Variants in ANK3 observed in about 807,000 individuals in gnomAD.
ANK3 encodes the protein ankyrin 3.
ANK3 carries 57 observed loss-of-function variants against 370.9 expected under a neutral mutation model. The ratio of observed to expected loss-of-function variants is 0.15; its 90% CI spans 0.12 to 0.19. The LOEUF (loss-of-function observed/expected upper bound fraction) is 0.19, where lower values mean the gene tolerates loss of function less well. ANK3 is among the 10% of genes least tolerant of loss of function. The pLI is 1.00. For missense variants in ANK3, 4,439 were observed against 5,302.1 expected, an observed-to-expected ratio of 0.84 and a Z score of 5.06; for synonymous variants, 1,929 against 1,946.3, an observed-to-expected ratio of 0.99 and a Z score of 0.23.
At chr10:60,593,730 A>G (rs76543341) in intron 2 of ANK3, among the ~76,000 whole-genome samples, 1,728 of 152,300 alleles carry the variant, frequency 0.011, 40 homozygotes, top group African/African-American at 0.04. Flanking sequence ...TCTAAGAAAA[A>G]TATCTCCTGT....
At chr10:60,460,395 G>T (rs1399513727) in intron 2 of ANK3, among the ~76,000 whole-genome samples, 2 of 152,042 alleles carry the variant, frequency 1.3e-5, no homozygotes, top group East Asian at 3.9e-4. Context: ...GAAATTTAAG[G>T]CACAAAAAGA....
intron 7 of ANK3, among the ~76,000 whole-genome samples, chr10:60,242,286 C>T (rs1038769363): frequency 1.4e-4 from 21 of 152,220 alleles, no homozygotes; most frequent in Admixed American, 6.5e-5. Context: ...TGTAAAAATT[C>T]AATATATTCC....
In ANK3 at chr10:60,474,555, A is replaced by T. The variant is rs185339889; in HGVS notation, c.96+140631T>A. Among the ~76,000 whole-genome samples, 29 of 152,318 alleles carry T rather than the reference A, an allele frequency of 1.9e-4. No homozygotes were observed. The East Asian group carries it at 5.4e-3, about 28-fold the overall frequency. ...AAACTTAAAAAAGATGTGCAATAAA[A>T]CAGTTAAGATTGGGTGATTTTAAGA... On this transcript the variant is annotated intron_variant, in intron 2 of 43. Coordinates refer to the ANK3 transcript ENST00000373827.
chr10:60,062,635 T>C (rs1267444123), intron 40 of ANK3: 2 of 152,288 alleles, frequency 1.3e-5, no homozygotes, highest in African/African-American at 2.4e-5. Context: ...AGTGCACATT[T>C]AAATACCTGG....
chr10:60,121,917 C>T (rs769530109), intron 25 of ANK3, among the ~76,000 whole-genome samples: 1 of 152,008 alleles, frequency 6.6e-6, no homozygotes, highest in Non-Finnish European at 1.5e-5. Flanking sequence ...AATATATATG[C>T]CTACTATGTA....
intron 2 of ANK3, among the ~76,000 whole-genome samples, chr10:60,444,493 A>G (rs2064388781): frequency 6.6e-6 from 1 of 151,624 alleles, no homozygotes; most frequent in South Asian, 2.1e-4. Flanking sequence ...TACAGACTGG[A>G]CAAAAAGTGG....
At position 60,075,308 on chromosome 10, in the gene ANK3, G is replaced by A. The variant is rs1220102278; in HGVS notation, c.5573C>T (p.Thr1858Ile). 6.2e-7 allele frequency: 1 copy of A among 1,614,062 alleles called. No homozygotes were observed. The highest frequency in any genetic ancestry group is 1.3e-5 in the African/African-American group (1 of 74,944). ...CTGAGGATGTGTCTCCGTAGTCAAT[G>A]TTTTAATGGGTGACAGCAAGGCTGC... ...SAAALLSPIK[T>I]LTTETHPQPH... The change falls in exon 37 of 44, where the codon ACA becomes ATA. Residue 1858 changes from threonine to isoleucine, a missense_variant. Physicochemically the swap from Thr to Ile is moderately conservative, Grantham distance 89. This residue lies in a region of ANK3 where 679 missense variants were observed against 791.0 expected (regional missense o/e 0.86). Transcript: ENST00000280772.
intron 38 of ANK3, 139 bp from the exon 39 acceptor site, chr10:60,064,427 A>T: frequency 1.1e-6 from 1 of 874,304 alleles, no homozygotes; most frequent in Non-Finnish European, 1.7e-6. Context: ...ATTAATTTTT[A>T]TATACTTGGC....
intron 2 of ANK3, chr10:60,508,701 A>C (rs1318179243): frequency 6.6e-6 from 1 of 152,348 alleles, no homozygotes; most frequent in Non-Finnish European, 1.5e-5. Flanking sequence ...TCTACTAATT[A>C]GCTTTGACTT....
In ANK3 at chr10:60,546,690, A is replaced by G. The variant is rs79869603; in HGVS notation, c.96+68496T>C. On this transcript the variant is annotated intron_variant, in intron 2 of 43. Coordinates refer to the ANK3 transcript ENST00000373827. The stretch of plus-strand genomic sequence containing the variant: ...ACAAGCAACTGAGCTTAATTTCTGC[A>G]AAGAGGTGGAACGTACACACAGAGG... 6.4e-3 allele frequency among the ~76,000 whole-genome samples: 968 copies of G among 152,318 alleles called. 15 individuals carry two copies. The highest frequency in any genetic ancestry group is 0.022 in the African/African-American group (901 of 41,568).
At chr10:60,559,967 T>C (rs1031660131) in intron 2 of ANK3, among the ~76,000 whole-genome samples, 3 of 151,944 alleles carry the variant, frequency 2.0e-5, no homozygotes, top group Admixed American at 1.3e-4. Context: ...CGCTTGAACC[T>C]GGGAGGCAGA....
At chr10:60,594,345 G>A (rs932955892) in intron 2 of ANK3, among the ~76,000 whole-genome samples, 2 of 152,080 alleles carry the variant, frequency 1.3e-5, no homozygotes, top group Admixed American at 6.5e-5. Context: ...ATCATACTAG[G>A]CAACAGTTAT....
intron 2 of ANK3, among the ~76,000 whole-genome samples, chr10:60,602,732 G>A (rs1342082414): frequency 2.6e-5 from 4 of 151,948 alleles, no homozygotes; most frequent in Admixed American, 2.6e-4. Context: ...CATGATACAA[G>A]TCACAGTAGT....
At chr10:60,313,199 T>C (rs1406976640) in intron 1 of ANK3, among the ~76,000 whole-genome samples, 1 of 152,214 alleles carries the variant, frequency 6.6e-6, no homozygotes, top group Non-Finnish European at 1.5e-5. Context: ...TAACATGAGC[T>C]GCAACTTTGT....
At chr10:60,051,598 A>G (rs1430364163) in intron 42 of ANK3, 1 of 890,906 alleles carries the variant, frequency 1.1e-6, no homozygotes, top group East Asian at 1.2e-4. Context: ...TTACCATCAC[A>G]CTTAAAATAA....
chr10:60,338,969 T>C (rs1200652691), intron 1 of ANK3, among the ~76,000 whole-genome samples: 1 of 152,090 alleles, frequency 6.6e-6, no homozygotes, highest in African/African-American at 2.4e-5. Context: ...CCATGAAGTC[T>C]TGGGGAGAGC....
chr10:60,693,375 G>A (rs1450710602), intron 1 of ANK3, among the ~76,000 whole-genome samples: 1 of 152,266 alleles, frequency 6.6e-6, no homozygotes, highest in Non-Finnish European at 1.5e-5. Context: ...CAGCCTGGAA[G>A]CTCGAACTGG....
intron 1 of ANK3, among the ~76,000 whole-genome samples, chr10:60,361,373 C>T (rs1270485143): frequency 2.0e-5 from 3 of 152,180 alleles, no homozygotes; most frequent in Admixed American, 6.5e-5. Context: ...TCCTTTGATA[C>T]ACTAGAATTT....
At chr10:60,104,554 T>G (rs2091903139) in intron 28 of ANK3, among the ~76,000 whole-genome samples, 1 of 152,098 alleles carries the variant, frequency 6.6e-6, no homozygotes, top group Admixed American at 6.5e-5. Context: ...AGCACCCTTA[T>G]CAGTAAAGTG....
Sources: allele counts gnomAD v4.1 joint callset (sites outside exome capture counted in the v4.1 genomes callset), GRCh38; gene constraint gnomAD v4.1.1; regional missense constraint gnomAD v4.1.1; transcripts MANE v1.5; gene names NCBI Gene and HGNC (gene_info 2026-07-23, HGNC 2026-07-21).